MTUS1: variants seen among roughly 807,000 people sequenced by gnomAD.
The protein encoded by MTUS1 is microtubule associated scaffold protein 1.
MTUS1 carries 109 observed loss-of-function variants against 120.8 expected under a neutral mutation model. The ratio of observed to expected loss-of-function variants is 0.90; its 90% CI spans 0.77 to 1.06. MTUS1 has a LOEUF of 1.06. MTUS1 is among the 50% of genes least tolerant of loss of function. MTUS1 has a pLI of 0.00. For synonymous variants in MTUS1, 737 were observed against 550.5 expected, an observed-to-expected ratio of 1.34 and a Z score of -4.74; for missense variants, 2,210 against 1,486.3, an observed-to-expected ratio of 1.49 and a Z score of -8.01.
chr8:17,744,505 C>A (rs1586109952), intron 2 of MTUS1, among the ~76,000 whole-genome samples: 1 of 152,122 alleles, frequency 6.6e-6, no homozygotes, highest in African/African-American at 2.4e-5. Flanking sequence ...AGTGCAACCT[C>A]TGCCTCCCGG....
At chr8:17,767,707 A>AAAAAACAAACAAACCAACAAACAAAC (rs762249959) in intron 1 of MTUS1, among the ~76,000 whole-genome samples, 1 of 144,444 alleles carries the variant, frequency 6.9e-6, no homozygotes, top group Non-Finnish European at 1.5e-5. Flanking sequence ...TCTTAAAAAA[A>AAAAAACAAACAAACCAACAAACAAAC]AAAAAAAAAA....
At position 17,658,062 on chromosome 8, in the gene MTUS1, G is replaced by C. The variant is rs544621092; in HGVS notation, c.2906-1997C>G. Among the ~76,000 whole-genome samples, 191 of 47,506 alleles carry C rather than the reference G, an allele frequency of 4.0e-3. No individual in the cohort carries two copies. In the Middle Eastern group the frequency reaches 0.11, roughly 28 times the overall value. 31.2% of individuals were successfully genotyped at this position (47,506 alleles called of 152,430 possible). A position where few individuals can be genotyped will look rare whatever the true frequency, so the allele number is the denominator to read the frequency against. On this transcript the variant is annotated intron_variant, in intron 8 of 14. Coordinates refer to ENST00000693296, the MANE Select transcript of MTUS1 (RefSeq NM_001363059.2). ...ACACACACACACACACACACACACA[G>C]AGTCTTGCTGTATTGCCCAGGCTGA...
rs538935142 is a variant in MTUS1, at chr8:17,647,118, A to T, written c.3502-39T>A. On this transcript the variant is annotated intron_variant, in intron 13 of 14. Transcript: ENST00000693296. ...AGAATTCCAACATTTATACAATATT[A>T]AAAAAAAAACCCCTCATTTCTTAAG... is the stretch of plus-strand genomic sequence containing the variant. 1.5e-4 allele frequency: 185 copies of T among 1,247,888 alleles called. 2 individuals carry two copies. In the South Asian group the frequency reaches 2.4e-3, roughly 16 times the overall value. The allele number at this position is 1,247,888 out of a possible 1,614,324, so 77.3% of individuals were successfully genotyped here. A position where few individuals can be genotyped will look rare whatever the true frequency, so the allele number is the denominator to read the frequency against.
At chr8:17,723,161 G>T in intron 4 of MTUS1, 1 of 165,980 alleles carries the variant, frequency 6.0e-6, no homozygotes, top group Admixed American at 5.8e-5. Flanking sequence ...TACATCTTTG[G>T]AATGAAAGAG....
At chr8:17,775,658 TATC>T (rs767661712) in intron 1 of MTUS1, among the ~76,000 whole-genome samples, 3 of 152,254 alleles carry the variant, frequency 2.0e-5, no homozygotes, top group Admixed American at 6.5e-5. Context: ...AGAGTAAAAT[TATC>T]ATAGTAACCA....
intron 1 of MTUS1, among the ~76,000 whole-genome samples, chr8:17,766,466 G>A (rs1248753571): frequency 6.6e-6 from 1 of 152,166 alleles, no homozygotes; most frequent in Non-Finnish European, 1.5e-5. Flanking sequence ...GCACTTGACT[G>A]GAATAACTGT....
chr8:17,709,153 A>G (rs566836644), intron 6 of MTUS1, among the ~76,000 whole-genome samples: 1 of 151,530 alleles, frequency 6.6e-6, no homozygotes, highest in African/African-American at 2.4e-5. Flanking sequence ...AAAAAAAGAA[A>G]AAGAATTCTG....
intron 1 of MTUS1, among the ~76,000 whole-genome samples, chr8:17,786,391 A>G (rs2051305783): frequency 6.6e-6 from 1 of 152,096 alleles, no homozygotes; most frequent in Admixed American, 6.6e-5. Context: ...CATCTCAGAT[A>G]AAAGCTCTTC....
intron 6 of MTUS1, among the ~76,000 whole-genome samples, chr8:17,704,895 T>C (rs1819844832): frequency 8.2e-6 from 1 of 122,040 alleles, no homozygotes; most frequent in African/African-American, 3.1e-5. Flanking sequence ...TGTCTTTATC[T>C]TGCTGATTTG....
At chr8:17,662,120 C>T (rs1483773213) in intron 8 of MTUS1, among the ~76,000 whole-genome samples, 1 of 152,092 alleles carries the variant, frequency 6.6e-6, no homozygotes, top group African/African-American at 2.4e-5. Flanking sequence ...CTGACTACAG[C>T]TTAGGAGAGA....
intron 3 of MTUS1, among the ~76,000 whole-genome samples, chr8:17,724,733 A>C (rs1251955585): frequency 6.6e-6 from 1 of 152,078 alleles, no homozygotes; most frequent in Non-Finnish European, 1.5e-5. Flanking sequence ...AACCCTCCTC[A>C]TGCCCATTCT....
chr8:17,650,789 C>A (rs560376001), intron 12 of MTUS1, among the ~76,000 whole-genome samples: 3 of 152,292 alleles, frequency 2.0e-5, no homozygotes, highest in African/African-American at 7.2e-5. Context: ...GATTTCCCAC[C>A]ACCGCCCACC....
At chr8:17,737,679 G>C (rs1280528780) in intron 3 of MTUS1, among the ~76,000 whole-genome samples, 3 of 152,044 alleles carry the variant, frequency 2.0e-5, no homozygotes, top group Non-Finnish European at 4.4e-5. Context: ...TAAAGACAGG[G>C]TCTCACTCTG....
Position 17,753,818 on chromosome 8 carries a change from G to A in MTUS1, c.1990C>T (p.Pro664Ser). 2 of 1,613,776 alleles carry A rather than the reference G, an allele frequency of 1.2e-6. No homozygotes were observed. The highest frequency in any genetic ancestry group is 1.7e-6 in the Non-Finnish European group (2 of 1,179,896). The change falls in exon 2 of 15, where the codon CCT (proline) becomes TCT (serine). Residue 664 changes from proline to serine, a missense_variant. Coordinates refer to ENST00000693296, the MANE Select transcript of MTUS1 (RefSeq NM_001363059.2). ...TTTTCTTTTTCACCCTTCTTTTCAGGGCTAATCCTATCAATGTTGGGAACA... is the reference window on the plus strand; with the variant it reads ...TTTTCTTTTTCACCCTTCTTTTCAGAGCTAATCCTATCAATGTTGGGAACA... ...TYVPNIDRIS[P>S]EKKGEKENGT... is the part of the protein sequence containing the mutation.
At chr8:17,771,155 G>A (rs932336477) in intron 1 of MTUS1, among the ~76,000 whole-genome samples, 1 of 151,908 alleles carries the variant, frequency 6.6e-6, no homozygotes, top group East Asian at 1.9e-4. Context: ...TTTAAACTTA[G>A]GAACTTCAGA....
chr8:17,780,743 G>C (rs1301815961), intron 1 of MTUS1: 1 of 152,164 alleles, frequency 6.6e-6, no homozygotes, highest in East Asian at 1.9e-4. Context: ...TCTCAAAACA[G>C]CAACCAGAGT....
rs559745883 is a variant in MTUS1, at chr8:17,755,374, T to A, written c.434A>T (p.Asn145Ile). The A allele has an allele frequency of 6.2e-7, 1 of 1,614,178 alleles. No individual in the cohort carries two copies. Among genetic ancestry groups the A allele is most frequent in the East Asian group, 2.2e-5 (1 of 44,880 alleles). ...ATCACAGTAGCCTGCACAGTTCAAA[T>A]TGTCATTAGGCTTCCACACAAAAGG... ...SLPFVWKPND[N>I]LNCAGYCDAL... The change falls in exon 2 of 15, where the codon AAT becomes ATT. Residue 145 changes from asparagine (N) to isoleucine (I), a missense_variant. Asn to Ile is a moderately radical substitution (Grantham distance 149). Coordinates refer to ENST00000693296, the MANE Select transcript of MTUS1 (RefSeq NM_001363059.2).
intron 4 of MTUS1, among the ~76,000 whole-genome samples, chr8:17,719,257 G>A (rs965159253): frequency 1.3e-5 from 2 of 152,100 alleles, no homozygotes; most frequent in Admixed American, 6.5e-5. Context: ...GTGAAAATTC[G>A]CTTTTATTAC....
chr8:17,645,391 CTGAT>C lies in MTUS1; in HGVS notation c.*531_*534del, dbSNP rs3832598. ...TATGGCTTTGGCTGAAATGTATATG[CTGAT>C]TGATTGATTATTATTTGATTAGTAC... is the stretch of plus-strand genomic sequence containing the variant. On this transcript the variant is annotated 3_prime_UTR_variant, in exon 15 of 15. Coordinates refer to ENST00000693296, the MANE Select transcript of MTUS1 (RefSeq NM_001363059.2). 0.056 allele frequency: 8,562 copies of C among 152,886 alleles called. 389 individuals are homozygous for C. The highest frequency in any genetic ancestry group is 0.23 in the East Asian group (1,177 of 5,142). The allele number at this position is 152,886 out of a possible 1,614,324, so 9.5% of individuals were successfully genotyped here.
Sources: allele counts gnomAD v4.1 joint callset (sites outside exome capture counted in the v4.1 genomes callset), GRCh38; gene constraint gnomAD v4.1.1; transcripts MANE v1.5; gene names NCBI Gene and HGNC (gene_info 2026-07-23, HGNC 2026-07-21).